The following PAPOLG variants were observed in gnomAD, a reference collection of about 807,000 sequenced individuals.
The protein encoded by PAPOLG is poly(A) polymerase gamma.
A neutral mutation model predicts 99.0 loss-of-function variants in PAPOLG; 40 were observed. The observed-to-expected ratio is 0.40, with a 90% CI of 0.31 to 0.53. The LOEUF (loss-of-function observed/expected upper bound fraction) is 0.53, where lower values mean the gene tolerates loss of function less well. Ranked by LOEUF, PAPOLG falls within the 20% of genes least tolerant of loss-of-function variation. The pLI is 0.41. For synonymous variants in PAPOLG, 310 were observed against 299.3 expected, an observed-to-expected ratio of 1.04 and a Z score of -0.37; for missense variants, 675 against 884.1, an observed-to-expected ratio of 0.76 and a Z score of 3.00.
chr2:60,760,358 A>G lies in PAPOLG; in HGVS notation c.179+63A>G, dbSNP rs951584484. ...TTATTTAATCATTAATTCTGCGAAC[A>G]TATTGAATACCTACTGTGTCTCTAG... On this transcript the variant is annotated intron_variant, in intron 2 of 21. Transcript: ENST00000238714. The G allele has an allele frequency of 1.3e-5, 18 of 1,433,302 alleles. No homozygotes were observed. In the African/African-American group the frequency reaches 2.4e-4, roughly 19 times the overall value. The allele number at this position is 1,433,302 out of a possible 1,614,324, so 88.8% of individuals were successfully genotyped here. A position where few individuals can be genotyped will look rare whatever the true frequency, so the allele number is the denominator to read the frequency against.
intron 21 of PAPOLG, among the ~76,000 whole-genome samples, chr2:60,795,880 G>A (rs985743624): frequency 1.3e-5 from 2 of 152,050 alleles, no homozygotes; most frequent in Non-Finnish European, 2.9e-5. Flanking sequence ...ATGTGTCATG[G>A]TGGAAGAAAA....
chr2:60,787,313 A>G (rs532401111), intron 14 of PAPOLG, among the ~76,000 whole-genome samples, 198 bp from the exon 15 acceptor site: 6 of 152,326 alleles, frequency 3.9e-5, no homozygotes, highest in African/African-American at 1.4e-4. Flanking sequence ...AGTCATTTTC[A>G]TAGCTGCTTA....
intron 15 of PAPOLG, among the ~76,000 whole-genome samples, chr2:60,788,676 T>C (rs1671439838): frequency 1.3e-5 from 2 of 151,896 alleles, no homozygotes; most frequent in South Asian, 2.1e-4. Context: ...ACAACCGGGG[T>C]TTGTGATCAC....
At chr2:60,757,446 G>A (rs1423271232) in intron 1 of PAPOLG, among the ~76,000 whole-genome samples, 12 of 152,038 alleles carry the variant, frequency 7.9e-5, no homozygotes, top group Admixed American at 2.6e-4. Flanking sequence ...CATGGGAGCT[G>A]CATGTTTTTT....
chr2:60,799,949 A>T lies in PAPOLG; in HGVS notation c.*2789A>T, dbSNP rs1671809747. 6.6e-6 allele frequency: 1 copy of T among 152,292 alleles called. No homozygotes were observed. The highest frequency in any genetic ancestry group is 2.1e-4 in the South Asian group (1 of 4,828). The allele number at this position is 152,292 out of a possible 1,614,324, so 9.4% of individuals were successfully genotyped here. On this transcript the variant is annotated 3_prime_UTR_variant, in exon 22 of 22. Transcript: ENST00000238714. ...CGTGTTTGTTTTCAAGTGTGAAAAA[A>T]TACCTAGAAGTATATTTTATGAAGT...
intron 21 of PAPOLG, 139 bp from the exon 22 acceptor site, chr2:60,796,923 T>G: frequency 9.7e-7 from 1 of 1,035,364 alleles, no homozygotes; most frequent in Non-Finnish European, 1.4e-6. Context: ...GAAGGAAATA[T>G]TCATTGCATA....
chr2:60,793,683 C>T lies in PAPOLG; in HGVS notation c.1736C>T (p.Ala579Val), dbSNP rs752557187. 3.1e-6 allele frequency: 5 copies of T among 1,613,540 alleles called. No homozygotes were observed. In the South Asian group the frequency reaches 5.5e-5, roughly 18 times the overall value. Reference protein sequence around the residue: ...IVEKPLSVPPAQGLSIPVIGA... With the variant: ...IVEKPLSVPPVQGLSIPVIGA... ...GAGAAGCCACTGAGTGTACCACCAGCCCAAGGACTTTCCATTCCAGTGATT... is the reference window on the plus strand; with the variant it reads ...GAGAAGCCACTGAGTGTACCACCAGTCCAAGGACTTTCCATTCCAGTGATT... The change falls in exon 18 of 22, where the codon GCC (alanine) becomes GTC (valine). Residue 579 changes from alanine to valine, a missense_variant. Ala to Val is a moderately conservative substitution (Grantham distance 64). Transcript: ENST00000238714.
chr2:60,776,673 C>T (rs1558694798), intron 8 of PAPOLG, among the ~76,000 whole-genome samples: 1 of 151,934 alleles, frequency 6.6e-6, no homozygotes, highest in Non-Finnish European at 1.5e-5. Flanking sequence ...GGTGATCTGC[C>T]TGCCTTGGCC....
At chr2:60,791,108 C>T (rs1260903045) in intron 15 of PAPOLG, among the ~76,000 whole-genome samples, 2 of 151,864 alleles carry the variant, frequency 1.3e-5, no homozygotes, top group Admixed American at 6.6e-5. Context: ...AAAGAATTAG[C>T]TTAGACCTGG....
chr2:60,779,436 A>C (rs1402478786), intron 8 of PAPOLG: 1 of 518,480 alleles, frequency 1.9e-6, no homozygotes, highest in Non-Finnish European at 3.3e-6. Context: ...TTTACTAATT[A>C]GACTGTGGGC....
In PAPOLG at chr2:60,775,292, A is replaced by G. The variant is rs17033148; in HGVS notation, c.694+169A>G. On this transcript the variant is annotated intron_variant, in intron 8 of 21. Coordinates refer to ENST00000238714, the MANE Select transcript of PAPOLG (RefSeq NM_022894.4). ...CAAGTACAGTGGTTATGGTGTTTTG[A>G]TAAGTAGTATACCTCTTCCTCCCTT... 0.051 allele frequency among the ~76,000 whole-genome samples: 7,760 copies of G among 152,292 alleles called. 701 individuals are homozygous for G. Among genetic ancestry groups the G allele is most frequent in the East Asian group, 0.43 (2,200 of 5,176 alleles).
intron 2 of PAPOLG, among the ~76,000 whole-genome samples, chr2:60,760,610 G>A (rs1490680710): frequency 6.6e-6 from 1 of 152,120 alleles, no homozygotes. Context: ...GAAGGAGGGA[G>A]CCATGTGTCT....
chr2:60,795,097 T>C (rs1671657047), intron 21 of PAPOLG, 77 bp downstream of exon 21: 4 of 1,271,028 alleles, frequency 3.1e-6, no homozygotes, highest in Admixed American at 1.9e-5. Context: ...AAAAGGCTTA[T>C]TAAGAGCCTA....
intron 14 of PAPOLG, among the ~76,000 whole-genome samples, 169 bp downstream of exon 14, chr2:60,787,235 TG>T (rs1230377649): frequency 1.3e-5 from 2 of 152,212 alleles, no homozygotes; most frequent in Non-Finnish European, 2.9e-5. Context: ...ATAACTACTT[TG>T]GTAGCCCACA....
chr2:60,776,695 T>C (rs1671031730), intron 8 of PAPOLG, among the ~76,000 whole-genome samples: 1 of 152,130 alleles, frequency 6.6e-6, no homozygotes, highest in Admixed American at 6.6e-5. Flanking sequence ...CCCAAAGTGC[T>C]GGGATTACAA....
intron 13 of PAPOLG, among the ~76,000 whole-genome samples, chr2:60,784,113 C>G (rs1181148644): frequency 6.6e-6 from 1 of 152,142 alleles, no homozygotes; most frequent in African/African-American, 2.4e-5. Flanking sequence ...TCTGGGATTA[C>G]AAGCACCCAC....
At chr2:60,779,952 C>A (rs997882416) in intron 9 of PAPOLG, among the ~76,000 whole-genome samples, 177 bp downstream of exon 9, 1 of 152,148 alleles carries the variant, frequency 6.6e-6, no homozygotes, top group Non-Finnish European at 1.5e-5. Context: ...GCACCTTCTT[C>A]CAGGGATTTG....
chr2:60,792,511 C>T (rs956416986), intron 17 of PAPOLG, among the ~76,000 whole-genome samples: 3 of 152,210 alleles, frequency 2.0e-5, no homozygotes, highest in Non-Finnish European at 4.4e-5. Context: ...CAGAAATGTA[C>T]ACATTTGTTG....
At chr2:60,785,883 A>G (rs1671347507) in intron 13 of PAPOLG, among the ~76,000 whole-genome samples, 1 of 152,060 alleles carries the variant, frequency 6.6e-6, no homozygotes, top group Non-Finnish European at 1.5e-5. Flanking sequence ...AAAAAGATTC[A>G]GGACTAGATA....
Sources: gnomAD v4.1 joint callset for allele counts (sites outside exome capture counted in the v4.1 genomes callset) on GRCh38, gnomAD v4.1.1 for gene constraint, MANE v1.5 for transcripts, NCBI Gene and HGNC (gene_info 2026-07-23, HGNC 2026-07-21) for gene names.